The following PMFBP1 variants were observed in gnomAD, a reference collection of about 807,000 sequenced individuals.
The protein encoded by PMFBP1 is polyamine modulated factor 1 binding protein 1.
Under a neutral mutation model 137.8 loss-of-function variants are expected in PMFBP1, and 131 were observed. The ratio of observed to expected loss-of-function variants is 0.95; its 90% confidence interval spans 0.82 to 1.10. The LOEUF (loss-of-function observed/expected upper bound fraction) is 1.10. PMFBP1 is among the 50% of genes least tolerant of loss of function. The probability of loss-of-function intolerance (pLI) is 0.00; values close to 1 mark genes in which losing one functional copy is unlikely to be tolerated. For synonymous variants in PMFBP1, 490 were observed against 450.4 expected, an observed-to-expected ratio of 1.09 and a Z score of -1.11; for missense variants, 1,199 against 1,175.4, an observed-to-expected ratio of 1.02 and a Z score of -0.29.
intron 17 of PMFBP1, 33 bp from the exon 18 acceptor site, chr16:72,123,682 G>T: frequency 6.3e-7 from 1 of 1,593,384 alleles, no homozygotes; most frequent in South Asian, 1.1e-5. Context: ...GACAGTCAGA[G>T]GTGGGAGCAC....
the PMFBP1 span, among the ~76,000 whole-genome samples, chr16:72,241,180 C>T: frequency 6.6e-6 from 1 of 152,102 alleles, no homozygotes; most frequent in African/African-American, 2.4e-5. Context: ...AGATAAAGCA[C>T]CTGCAGGCTC....
At chr16:72,129,725 T>C (rs1462724978) in intron 12 of PMFBP1, among the ~76,000 whole-genome samples, 1 of 152,238 alleles carries the variant, frequency 6.6e-6, no homozygotes, top group African/African-American at 2.4e-5. Context: ...CCATTGAAAA[T>C]GCTTCTTACT....
chr16:72,130,809 C>G, intron 10 of PMFBP1, 87 bp from the exon 11 acceptor site: 1 of 1,274,352 alleles, frequency 7.8e-7, no homozygotes, highest in South Asian at 1.5e-5. Context: ...TTTTTCCTTT[C>G]ATTTTGTGCC....
At chr16:72,202,228 G>T in the PMFBP1 span, among the ~76,000 whole-genome samples, 7 of 152,224 alleles carry the variant, frequency 4.6e-5, no homozygotes, top group Non-Finnish European at 8.8e-5. Flanking sequence ...AACTGCAAGA[G>T]TCAGCAGGGT....
the PMFBP1 span, among the ~76,000 whole-genome samples, chr16:72,243,678 G>T: frequency 6.6e-6 from 1 of 152,172 alleles, no homozygotes; most frequent in South Asian, 2.1e-4. Context: ...GCCAGTCCAA[G>T]TGGCTCAGTC....
chr16:72,236,479 A>G, the PMFBP1 span, among the ~76,000 whole-genome samples: 2 of 152,212 alleles, frequency 1.3e-5, no homozygotes, highest in African/African-American at 4.8e-5. Flanking sequence ...AACCAGCAAA[A>G]GATAAAATTG....
At chr16:72,195,356 A>C in the PMFBP1 span, among the ~76,000 whole-genome samples, 1 of 152,036 alleles carries the variant, frequency 6.6e-6, no homozygotes, top group Non-Finnish European at 1.5e-5. Context: ...CCTACACTGA[A>C]GTCTGACGGC....
the PMFBP1 span, among the ~76,000 whole-genome samples, chr16:72,198,790 T>C: frequency 6.6e-6 from 1 of 151,984 alleles, no homozygotes; most frequent in Non-Finnish European, 1.5e-5. Flanking sequence ...TTTCAGTCCC[T>C]GTCACAGTCA....
the PMFBP1 span, among the ~76,000 whole-genome samples, chr16:72,213,114 G>A: frequency 2.0e-5 from 3 of 150,566 alleles, no homozygotes; most frequent in East Asian, 5.9e-4. Flanking sequence ...AGACCATGGG[G>A]TCCAGGAAAC....
intron 14 of PMFBP1, among the ~76,000 whole-genome samples, chr16:72,126,708 A>G (rs1228789964): frequency 6.6e-6 from 1 of 152,248 alleles, no homozygotes; most frequent in Non-Finnish European, 1.5e-5. Flanking sequence ...ATTGATCAAC[A>G]TGTTAGGGAA....
rs2042339844 is a variant in PMFBP1, at chr16:72,119,199, T to C, written c.*139A>G. 1.0e-6 allele frequency: 1 copy of C among 960,836 alleles called. No individual in the cohort carries two copies. The highest frequency in any genetic ancestry group is 1.6e-5 in the African/African-American group (1 of 60,678). The allele number at this position is 960,836 out of a possible 1,614,324, so 59.5% of individuals were successfully genotyped here. A position where few individuals can be genotyped will look rare whatever the true frequency, so the allele number is the denominator to read the frequency against. Reference sequence around the variant, plus strand: ...GGAAGTGGACAAAACTCAACAAAAGTTAGTGTCTTGCAAAATAGGCTGGGA... The same window carrying C: ...GGAAGTGGACAAAACTCAACAAAAGCTAGTGTCTTGCAAAATAGGCTGGGA... On this transcript the variant is annotated 3_prime_UTR_variant, in exon 21 of 21. Transcript: ENST00000237353.
chr16:72,132,948 T>C lies in PMFBP1; in HGVS notation c.1247A>G (p.Lys416Arg), dbSNP rs769095694. The part of the protein sequence containing the change: ...KDEMLQELEK[K>R]LTQVQNSLLK... ...GAGGCTGTTCTGAACCTGTGTCAGT[T>C]TCTTCTCCAGCTCTTGCAGCATCTC... Residue 416 changes from lysine (K) to arginine (R), a missense_variant, in exon 10 of 21, where the codon AAA (lysine) becomes AGA (arginine). Transcript: ENST00000237353. 9.9e-6 allele frequency: 16 copies of C among 1,614,102 alleles called. No individual in the cohort carries two copies. In the African/African-American group the frequency reaches 2.1e-4, roughly 22 times the overall value.
chr16:72,128,292 C>G lies in PMFBP1; in HGVS notation c.2088+365G>C, dbSNP rs941453182. 5 of 986,048 alleles carry G rather than the reference C, an allele frequency of 5.1e-6. No individual in the cohort carries two copies. The African/African-American group carries it at 8.4e-5, about 17-fold the overall frequency. The allele number at this position is 986,048 out of a possible 1,614,324, so 61.1% of individuals were successfully genotyped here. On this transcript the variant is annotated intron_variant, in intron 14 of 20. Coordinates refer to ENST00000237353, the MANE Select transcript of PMFBP1 (RefSeq NM_031293.3). ...ACTTGTGTAATGAAAAATAACTGTC[C>G]CCCCTTTCATCTCCTTTTTGTGCTT...
At chr16:72,146,493 C>T (rs1383274054) in intron 5 of PMFBP1, among the ~76,000 whole-genome samples, 1 of 152,250 alleles carries the variant, frequency 6.6e-6, no homozygotes, top group African/African-American at 2.4e-5. Context: ...CTCACCACTC[C>T]TATTCGTGTA....
At chr16:72,187,343 T>C in the PMFBP1 span, among the ~76,000 whole-genome samples, 4,230 of 152,268 alleles carry the variant, frequency 0.028, 471 homozygotes, top group East Asian at 0.28. Flanking sequence ...CTCATTGGGT[T>C]AAAGCTGTCT....
At chr16:72,232,973 T>TAC in the PMFBP1 span, among the ~76,000 whole-genome samples, 1 of 152,238 alleles carries the variant, frequency 6.6e-6, no homozygotes, top group East Asian at 1.9e-4. Flanking sequence ...GATATTGATA[T>TAC]ACAGATGAGA....
rs148553727 is a variant in PMFBP1 at position 72,165,040 on chromosome 16, T to C, written c.13-124A>G. On this transcript the variant is annotated intron_variant, in intron 2 of 20. Transcript: ENST00000237353. Reference sequence around the variant, plus strand: ...AATTTGTCCATCAACCATTAGCTGTTATTACTCATCCTGTGTAACATTTAC... The same window carrying C: ...AATTTGTCCATCAACCATTAGCTGTCATTACTCATCCTGTGTAACATTTAC... 13 of 975,018 alleles carry C rather than the reference T, an allele frequency of 1.3e-5. No homozygotes were observed. The African/African-American group carries it at 1.8e-4, about 13-fold the overall frequency. The allele number at this position is 975,018 out of a possible 1,614,324, so 60.4% of individuals were successfully genotyped here.
At chr16:72,138,168 A>G (rs1567627830) in intron 7 of PMFBP1, among the ~76,000 whole-genome samples, 1 of 152,206 alleles carries the variant, frequency 6.6e-6, no homozygotes, top group South Asian at 2.1e-4. Flanking sequence ...TGATCTTTAA[A>G]ATAAATATTG....
At chr16:72,210,217 TC>T in the PMFBP1 span, among the ~76,000 whole-genome samples, 1 of 152,102 alleles carries the variant, frequency 6.6e-6, no homozygotes, top group African/African-American at 2.4e-5. Flanking sequence ...TTTTAATGTG[TC>T]AACCAGAACA....
Sources: gnomAD v4.1 joint callset for allele counts (sites outside exome capture counted in the v4.1 genomes callset) on GRCh38, gnomAD v4.1.1 for gene constraint, MANE v1.5 for transcripts, NCBI Gene and HGNC (gene_info 2026-07-23, HGNC 2026-07-21) for gene names.